JAK3: variants seen among roughly 807,000 people sequenced by gnomAD.
The protein encoded by JAK3 is Janus kinase 3.
A neutral mutation model predicts 120.8 loss-of-function variants in JAK3; 88 were observed. The ratio of observed to expected loss-of-function variants is 0.73; its 90% confidence interval spans 0.61 to 0.87. JAK3 has a LOEUF of 0.87. Ranked by LOEUF, JAK3 falls within the 40% of genes least tolerant of loss-of-function variation. The probability of loss-of-function intolerance (pLI) is 0.00; values close to 1 mark genes in which losing one functional copy is unlikely to be tolerated. For missense variants in JAK3, 1,254 were observed against 1,501.4 expected (o/e 0.84, Z 2.72); for synonymous variants, 592 against 628.6 (o/e 0.94, Z 0.87).
chr19:17,825,515 A>T lies in JAK3; in HGVS notation c.*1228T>A. On this transcript the variant is annotated 3_prime_UTR_variant, in exon 24 of 24. Coordinates refer to ENST00000458235, the MANE Select transcript of JAK3 (RefSeq NM_000215.4). ...CCCAAAGAGATACACGGGCTCCCCT[A>T]AAAGGCAGAGTCCCAGCCACAGCAA... The T allele has an allele frequency of 4.8e-6, 1 of 206,192 alleles. No individual in the cohort carries two copies. The highest frequency in any genetic ancestry group is 9.9e-6 in the Non-Finnish European group (1 of 100,908). 12.8% of individuals were successfully genotyped at this position (206,192 alleles called of 1,614,324 possible).
At chr19:17,829,253 C>T (rs983790968) in intron 23 of JAK3, among the ~76,000 whole-genome samples, 1 of 152,164 alleles carries the variant, frequency 6.6e-6, no homozygotes, top group African/African-American at 2.4e-5. Context: ...AAACCTTCCC[C>T]TCCCAGGTTC....
Position 17,839,677 on chromosome 19 carries a change from T to C in JAK3, c.1255-14A>G, listed in dbSNP as rs764502326. The C allele has an allele frequency of 6.2e-7, 1 of 1,602,596 alleles. No homozygotes were observed. The highest frequency in any genetic ancestry group is 1.1e-5 in the South Asian group (1 of 89,156). On this transcript the variant is annotated splice_polypyrimidine_tract_variant and intron_variant, in intron 9 of 23. Transcript: ENST00000458235. ...ACCAAGGGGGTTCTGCAAAGAAGAG[T>C]GGCCCCTGAGTGGGACTGAGCGACA...
Position 17,839,598 on chromosome 19 carries a change from C to A in JAK3, c.1320G>T (p.Leu440=), listed in dbSNP as rs747042595. Residue 440 remains leucine, a synonymous_variant, in exon 10 of 24, where the codon CTG becomes CTT. Transcript: ENST00000458235. ...TGCTGTGGGGTCGGCTGAGGCCAAC[C>A]AGAAGGAAGGTTCCTGTGGGGCTGC... ...IRRSPTGTFL[L]VGLSRPHSSL... is the part of the protein sequence containing the mutation. The A allele has an allele frequency of 1.2e-6, 2 of 1,612,442 alleles. No homozygotes were observed. Among genetic ancestry groups the A allele is most frequent in the Non-Finnish European group, 1.7e-6 (2 of 1,179,520 alleles).
chr19:17,836,469 A>G (rs573644271), intron 13 of JAK3, among the ~76,000 whole-genome samples: 5 of 152,128 alleles, frequency 3.3e-5, no homozygotes, highest in East Asian at 3.9e-4. Context: ...TTTAGTAGAG[A>G]CGGGGTCTTG....
chr19:17,846,195 A>G (rs1361502408), intron 1 of JAK3, among the ~76,000 whole-genome samples: 2 of 152,164 alleles, frequency 1.3e-5, no homozygotes, highest in African/African-American at 2.4e-5. Flanking sequence ...CTGACTCCCC[A>G]GCATCCTCAT....
At chr19:17,839,715 C>A in intron 9 of JAK3, 52 bp from the exon 10 acceptor site, 28 of 1,219,164 alleles carry the variant, frequency 2.3e-5, no homozygotes, top group Non-Finnish European at 2.9e-5. Context: ...CACTCTCCTT[C>A]TCAGTCCTTC....
intron 10 of JAK3, 60 bp downstream of exon 10, chr19:17,839,417 C>T: frequency 6.7e-7 from 1 of 1,496,496 alleles, no homozygotes. Flanking sequence ...GGAGCTGTCA[C>T]AGACATAGAA....
chr19:17,843,224 T>G lies in JAK3; in HGVS notation c.421-52A>C. ...GCTGAGGCCACCCAACTTCAAGCCC[T>G]GTTGTTAACCTGCAGACCCCCCCAA... On this transcript the variant is annotated intron_variant, in intron 4 of 23. Coordinates refer to ENST00000458235, the MANE Select transcript of JAK3 (RefSeq NM_000215.4). This position sits in a 1 kb window ranked among gnomAD's most constrained non-coding sequence, Gnocchi z 5.4. 1.3e-6 allele frequency: 2 copies of G among 1,574,598 alleles called. No homozygotes were observed. The highest frequency in any genetic ancestry group is 1.7e-6 in the Non-Finnish European group (2 of 1,161,392).
In JAK3 at chr19:17,831,320, G is replaced by C. The variant is rs779843346; in HGVS notation, c.2886C>G (p.His962Gln). ...ARNILVESEA[H>Q]VKIADFGLAK... Reference sequence around the variant, plus strand: ...CTAGGCCGAAGTCAGCGATCTTGACGTGTGCCTCGCTCTCCACGAGGATGT... The same window carrying C: ...CTAGGCCGAAGTCAGCGATCTTGACCTGTGCCTCGCTCTCCACGAGGATGT... The change falls in exon 21 of 24, where the codon CAC becomes CAG. Residue 962 changes from histidine (H) to glutamine (Q), a missense_variant. Physicochemically the swap from His to Gln is conservative, Grantham distance 24. Coordinates refer to ENST00000458235, the MANE Select transcript of JAK3 (RefSeq NM_000215.4). This position sits in a 1 kb window ranked among gnomAD's most constrained non-coding sequence, Gnocchi z 5.1. 1.9e-6 allele frequency: 3 copies of C among 1,612,364 alleles called. No homozygotes were observed. In the South Asian group the frequency reaches 3.3e-5, roughly 18 times the overall value.
rs1440903189 is a variant in JAK3, at chr19:17,825,099, T to C, written c.*1644A>G. 8.7e-6 allele frequency: 2 copies of C among 229,102 alleles called. No homozygotes were observed. Among genetic ancestry groups the C allele is most frequent in the East Asian group, 6.2e-5 (1 of 16,044 alleles). 14.2% of individuals were successfully genotyped at this position (229,102 alleles called of 1,614,324 possible). A position where few individuals can be genotyped will look rare whatever the true frequency, so the allele number is the denominator to read the frequency against. ...GAAGCTTAACCTGCATGAGAATCCCTCTCACCAGTCAGAAAGTTGACCCTG... is the reference window on the plus strand; with the variant it reads ...GAAGCTTAACCTGCATGAGAATCCCCCTCACCAGTCAGAAAGTTGACCCTG... On this transcript the variant is annotated 3_prime_UTR_variant, in exon 24 of 24. Transcript: ENST00000458235.
Position 17,827,717 on chromosome 19 carries a change from T to TAAAAA in JAK3, c.3208-812_3208-808dup, listed in dbSNP as rs760856974. Among the ~76,000 whole-genome samples, 314 of 77,652 alleles carry TAAAAA rather than the reference T, an allele frequency of 4.0e-3. 37 individuals carry two copies. Among genetic ancestry groups the TAAAAA allele is most frequent in the African/African-American group, 6.3e-3 (106 of 16,778 alleles). 50.9% of individuals were successfully genotyped at this position (77,652 alleles called of 152,430 possible). On this transcript the variant is annotated intron_variant, in intron 23 of 23. Transcript: ENST00000458235. ...CAACATGGAGAAACCCCATCTTAAC[T>TAAAAA]AAAAAAAAAAAAAAAAAAAAAAAAA...
At chr19:17,828,941 C>T (rs1207193023) in intron 23 of JAK3, among the ~76,000 whole-genome samples, 1 of 150,102 alleles carries the variant, frequency 6.7e-6, no homozygotes, top group Non-Finnish European at 1.5e-5. Flanking sequence ...GATCACTTGA[C>T]CCCACGAGCT....
At chr19:17,836,942 GA>G (rs1599872519) in intron 13 of JAK3, 186 bp downstream of exon 13, 2 of 691,396 alleles carry the variant, frequency 2.9e-6, no homozygotes, top group East Asian at 2.7e-5. Context: ...ATATGGGTGA[GA>G]ACCTGGAGCC....
Position 17,825,546 on chromosome 19 carries a change from CTT to C in JAK3, c.*1195_*1196del. 1 of 199,538 alleles carries C rather than the reference CTT, an allele frequency of 5.0e-6. No homozygotes were observed. The highest frequency in any genetic ancestry group is 7.7e-5 in the East Asian group (1 of 13,046). The allele number at this position is 199,538 out of a possible 1,614,324, so 12.4% of individuals were successfully genotyped here. On this transcript the variant is annotated 3_prime_UTR_variant, in exon 24 of 24. Transcript: ENST00000458235. ...CAGAGTCCCAGCCACAGCAACTGCT[CTT>C]GTCCTTGGCTTCCTCCAGAGAAACA...
chr19:17,842,759 A>G lies in JAK3; in HGVS notation c.567-149T>C. 2.1e-6 allele frequency: 2 copies of G among 937,570 alleles called. No homozygotes were observed. Among genetic ancestry groups the G allele is most frequent in the African/African-American group, 1.7e-5 (1 of 60,490 alleles). 58.1% of individuals were successfully genotyped at this position (937,570 alleles called of 1,614,324 possible). ...CACAGACTCTCATTCAGGGTCAGGT[A>G]TGAGGACCGGACCTCAGAGTAGGGG... is the stretch of plus-strand genomic sequence containing the variant. On this transcript the variant is annotated intron_variant, in intron 5 of 23. Transcript: ENST00000458235. The surrounding 1 kb of genome is among the most constrained non-coding windows in gnomAD (Gnocchi z 6.4).
chr19:17,844,302 T>TG lies in JAK3; in HGVS notation c.115dup (p.Gln39ProfsTer13), dbSNP rs755706305. Reference sequence around the variant, plus strand: ...GTCCCCAAAGGAGAAAGATAGGCGCTGGGGGGGCCCGGGGCCCCGAGCGGG... The same window carrying TG: ...GTCCCCAAAGGAGAAAGATAGGCGCTGGGGGGGGCCCGGGGCCCCGAGCGGG... On this transcript the variant is annotated frameshift_variant, in exon 2 of 24. Coordinates refer to ENST00000458235, the MANE Select transcript of JAK3 (RefSeq NM_000215.4). LOFTEE classifies it high-confidence loss of function. 7 of 1,607,496 alleles carry TG rather than the reference T, an allele frequency of 4.4e-6. No homozygotes were observed. Among genetic ancestry groups the TG allele is most frequent in the African/African-American group, 4.0e-5 (3 of 74,728 alleles).
Sources: allele counts gnomAD v4.1 joint callset (sites outside exome capture counted in the v4.1 genomes callset), GRCh38; gene constraint gnomAD v4.1.1; non-coding constraint Gnocchi (gnomAD v3.1); transcripts MANE v1.5; gene names NCBI Gene and HGNC (gene_info 2026-07-23, HGNC 2026-07-21).